The following DOCK5 variants were observed in gnomAD, a reference collection of about 807,000 sequenced individuals.
DOCK5 encodes dedicator of cytokinesis protein 5.
Under a neutral mutation model 251.8 loss-of-function variants are expected in DOCK5, and 142 were observed. The observed-to-expected ratio is 0.56, with a 90% CI of 0.49 to 0.65. The LOEUF (loss-of-function observed/expected upper bound fraction) is 0.65. DOCK5 is among the 30% of genes least tolerant of loss of function. DOCK5 has a pLI of 0.00. For synonymous variants in DOCK5, 842 were observed against 835.5 expected, an observed-to-expected ratio of 1.01 and a Z score of -0.13; for missense variants, 2,111 against 2,312.3, an observed-to-expected ratio of 0.91 and a Z score of 1.79.
intron 5 of DOCK5, among the ~76,000 whole-genome samples, chr8:25,291,030 A>G (rs1345995620): frequency 6.6e-6 from 1 of 152,192 alleles, no homozygotes; most frequent in Non-Finnish European, 1.5e-5. Context: ...AGAGAAATGG[A>G]TGTGACTTTG....
chr8:25,391,179 G>C (rs1201016318), intron 42 of DOCK5, among the ~76,000 whole-genome samples: 4 of 149,840 alleles, frequency 2.7e-5, no homozygotes, highest in African/African-American at 9.9e-5. Flanking sequence ...TAAGTAGCTG[G>C]GACATACACC....
chr8:25,347,513 A>G (rs1800391563), intron 26 of DOCK5, among the ~76,000 whole-genome samples: 1 of 152,212 alleles, frequency 6.6e-6, no homozygotes. Context: ...AAATACGTAA[A>G]TGTGACCAAT....
At chr8:25,329,705 G>A (rs1252186277) in intron 18 of DOCK5, among the ~76,000 whole-genome samples, 2 of 152,062 alleles carry the variant, frequency 1.3e-5, no homozygotes, top group Non-Finnish European at 2.9e-5. Flanking sequence ...ACCAGGAGAC[G>A]TATGAGAATG....
chr8:25,375,674 GT>G, intron 37 of DOCK5: 1 of 981,986 alleles, frequency 1.0e-6, no homozygotes, highest in Non-Finnish European at 1.2e-6. Flanking sequence ...TTCTTTTACA[GT>G]TTATATTTTA....
At chr8:25,403,421 A>G (rs968378044) in intron 47 of DOCK5, 137 bp from the exon 48 acceptor site, 4 of 850,034 alleles carry the variant, frequency 4.7e-6, no homozygotes, top group Non-Finnish European at 7.4e-6. Flanking sequence ...ACAGGCACCA[A>G]CCAATCAGAA....
chr8:25,272,133 A>G (rs936143707), intron 3 of DOCK5, among the ~76,000 whole-genome samples: 9 of 152,092 alleles, frequency 5.9e-5, no homozygotes, highest in Non-Finnish European at 1.2e-4. Context: ...GGCTCAAGCA[A>G]TCCTCCTGCC....
chr8:25,196,797 T>C (rs1027297665), intron 1 of DOCK5, among the ~76,000 whole-genome samples: 10 of 152,224 alleles, frequency 6.6e-5, no homozygotes, highest in Non-Finnish European at 1.3e-4. Context: ...TAAAAGATTT[T>C]AGTACTTTCA....
intron 39 of DOCK5, among the ~76,000 whole-genome samples, chr8:25,381,114 C>T (rs1801059457): frequency 6.6e-6 from 1 of 152,050 alleles, no homozygotes; most frequent in African/African-American, 2.4e-5. Flanking sequence ...TTCTGAATGC[C>T]TGATGGTAGG....
intron 1 of DOCK5, among the ~76,000 whole-genome samples, chr8:25,240,523 A>G (rs1035682934): frequency 5.3e-5 from 8 of 152,306 alleles, no homozygotes; most frequent in Non-Finnish European, 1.0e-4. Flanking sequence ...TAGATTTGCT[A>G]AATTCTGGAC....
At chr8:25,225,799 G>A (rs1355262117) in intron 1 of DOCK5, among the ~76,000 whole-genome samples, 1 of 151,986 alleles carries the variant, frequency 6.6e-6, no homozygotes, top group Non-Finnish European at 1.5e-5. Flanking sequence ...ACACAAAAAA[G>A]CACTGTGTGG....
intron 31 of DOCK5, 141 bp downstream of exon 31, chr8:25,367,111 A>G: frequency 1.4e-6 from 1 of 706,792 alleles, no homozygotes; most frequent in South Asian, 1.6e-5. Flanking sequence ...CTAATTACTT[A>G]ATAGGCCTCA....
intron 24 of DOCK5, 111 bp downstream of exon 24, chr8:25,341,920 T>G (rs1350043754): frequency 9.5e-6 from 8 of 845,094 alleles, no homozygotes; most frequent in Admixed American, 8.4e-5. Context: ...AAGTATTAAC[T>G]GAATACCTTT....
chr8:25,324,987 T>TA (rs1805525931), intron 17 of DOCK5, among the ~76,000 whole-genome samples: 1 of 152,102 alleles, frequency 6.6e-6, no homozygotes, highest in Non-Finnish European at 1.5e-5. Flanking sequence ...CATCCTTTTT[T>TA]ATGGCTGCAT....
chr8:25,361,798 C>G (rs1800686424), intron 28 of DOCK5, among the ~76,000 whole-genome samples: 1 of 152,034 alleles, frequency 6.6e-6, no homozygotes, highest in Non-Finnish European at 1.5e-5. Flanking sequence ...GTTCAGCATC[C>G]AAAGTATAGG....
intron 24 of DOCK5, 99 bp downstream of exon 24, chr8:25,341,908 A>G: frequency 1.0e-6 from 1 of 969,926 alleles, no homozygotes; most frequent in South Asian, 1.6e-5. Context: ...TATTTTTCTA[A>G]GAAGTATTAA....
At chr8:25,322,685 T>C (rs1019465640) in intron 16 of DOCK5, among the ~76,000 whole-genome samples, 2 of 152,240 alleles carry the variant, frequency 1.3e-5, no homozygotes, top group Non-Finnish European at 2.9e-5. Flanking sequence ...ATTCTACTTT[T>C]ATCTACATTT....
At position 25,408,033 on chromosome 8, in the gene DOCK5, T is replaced by G; in HGVS notation, c.5144T>G (p.Val1715Gly). 6 of 1,612,154 alleles carry G rather than the reference T, an allele frequency of 3.7e-6. No individual in the cohort carries two copies. Among genetic ancestry groups the G allele is most frequent in the Non-Finnish European group, 5.1e-6 (6 of 1,179,182 alleles). Reference protein sequence around the residue: ...LERRASSGARVEDLSLREENS... With the variant: ...LERRASSGARGEDLSLREENS... Reference sequence around the variant, plus strand: ...CGCAGGGCCTCGTCAGGTGCCAGAGTTGAAGATCTGTCCCTTAGAGAGGAG... The same window carrying G: ...CGCAGGGCCTCGTCAGGTGCCAGAGGTGAAGATCTGTCCCTTAGAGAGGAG... Residue 1715 changes from valine to glycine, a missense_variant, in exon 49 of 52, where the codon GTT becomes GGT. By Grantham distance (109) the Val-to-Gly change is moderately radical. Coordinates refer to ENST00000276440, the MANE Select transcript of DOCK5 (RefSeq NM_024940.8).
At chr8:25,324,644 T>C (rs1267282530) in intron 17 of DOCK5, among the ~76,000 whole-genome samples, 2 of 152,208 alleles carry the variant, frequency 1.3e-5, no homozygotes, top group Non-Finnish European at 2.9e-5. Context: ...AGTATAATTG[T>C]CCCCATTTTT....
At chr8:25,227,911 G>T (rs971014535) in intron 1 of DOCK5, among the ~76,000 whole-genome samples, 3 of 151,030 alleles carry the variant, frequency 2.0e-5, no homozygotes, top group African/African-American at 2.5e-5. Context: ...TTGAGACAAG[G>T]TCTCTCTCTG....
Sources: allele counts gnomAD v4.1 joint callset (sites outside exome capture counted in the v4.1 genomes callset), GRCh38; gene constraint gnomAD v4.1.1; transcripts MANE v1.5; gene names NCBI Gene and HGNC (gene_info 2026-07-23, HGNC 2026-07-21).